Variants in PRKG1 observed in about 807,000 individuals in gnomAD.
The protein encoded by PRKG1 is cGMP-dependent protein kinase 1.
In PRKG1, 35 loss-of-function variants were observed where a neutral mutation model predicts 88.1. That is an observed-to-expected ratio of 0.40 (90% CI 0.30 to 0.53). The LOEUF (loss-of-function observed/expected upper bound fraction) is 0.53. Ranked by LOEUF, PRKG1 falls within the 20% of genes least tolerant of loss-of-function variation. PRKG1 has a pLI of 0.59. For missense variants in PRKG1, 540 were observed against 839.8 expected, an observed-to-expected ratio of 0.64 and a Z score of 4.41; for synonymous variants, 303 against 292.5, an observed-to-expected ratio of 1.04 and a Z score of -0.37.
At chr10:51,930,495 CTTTTTTTTTTTTT>C (rs3029977) in intron 5 of PRKG1, among the ~76,000 whole-genome samples, 1 of 104,472 alleles carries the variant, frequency 9.6e-6, no homozygotes, top group Non-Finnish European at 1.9e-5. Context: ...TTTTTTTCCT[CTTTTTTTTTTTTT>C]TTTTTTTTGA....
At chr10:51,437,717 C>T (rs1311476649) in intron 2 of PRKG1, among the ~76,000 whole-genome samples, 1 of 151,472 alleles carries the variant, frequency 6.6e-6, no homozygotes, top group Non-Finnish European at 1.5e-5. Context: ...CAACCCAAAG[C>T]CATATTTTAA....
intron 5 of PRKG1, among the ~76,000 whole-genome samples, chr10:52,016,603 G>A (rs1845046636): frequency 6.6e-6 from 1 of 152,158 alleles, no homozygotes; most frequent in Admixed American, 6.5e-5. Flanking sequence ...GCTTTATAAA[G>A]AAAGGTAATG....
chr10:51,655,464 A>G (rs987365954), intron 3 of PRKG1, among the ~76,000 whole-genome samples: 1 of 152,132 alleles, frequency 6.6e-6, no homozygotes, highest in Non-Finnish European at 1.5e-5. Context: ...ATCAGAATAT[A>G]GAAAGATCAG....
Position 52,267,342 on chromosome 10 carries a change from C to A in PRKG1, c.1174-4008C>A, listed in dbSNP as rs148771703. 2.4e-3 allele frequency among the ~76,000 whole-genome samples: 363 copies of A among 152,050 alleles called. 2 individuals carry two copies. Among genetic ancestry groups the A allele is most frequent in the Non-Finnish European group, 4.4e-3 (296 of 67,958 alleles). The stretch of plus-strand genomic sequence containing the variant: ...TAGGTTGTTATGCTCTGTACAATTT[C>A]TCAATATCTTTGCATTCATGGAATT... On this transcript the variant is annotated intron_variant, in intron 10 of 17. Transcript: ENST00000373980.
chr10:51,973,992 T>A (rs1394607881), intron 5 of PRKG1, among the ~76,000 whole-genome samples: 1 of 152,136 alleles, frequency 6.6e-6, no homozygotes, highest in Non-Finnish European at 1.5e-5. Context: ...ACAAATGAAG[T>A]TATTTTGGAA....
chr10:51,122,483 G>C (rs1033992823), intron 1 of PRKG1, among the ~76,000 whole-genome samples: 1 of 152,034 alleles, frequency 6.6e-6, no homozygotes, highest in African/African-American at 2.4e-5. Flanking sequence ...AACCCATCTG[G>C]GTTGCCTCTT....
Position 51,151,440 on chromosome 10 carries a change from A to G in PRKG1, c.312-1724A>G, listed in dbSNP as rs906431580. ...TAAACCTATTCAGCTGATATTTTTAAAATATCATTTTGTAGATGATAACAT... is the reference window on the plus strand; with the variant it reads ...TAAACCTATTCAGCTGATATTTTTAGAATATCATTTTGTAGATGATAACAT... On this transcript the variant is annotated intron_variant, in intron 1 of 17. Coordinates refer to ENST00000373980, the MANE Select transcript of PRKG1 (RefSeq NM_006258.4). Among the ~76,000 whole-genome samples, 6 of 152,070 alleles carry G rather than the reference A, an allele frequency of 3.9e-5. No individual in the cohort carries two copies. In the South Asian group the frequency reaches 1.0e-3, roughly 26 times the overall value.
chr10:51,942,925 TGGC>T, intron 5 of PRKG1, among the ~76,000 whole-genome samples: 1 of 151,630 alleles, frequency 6.6e-6, no homozygotes, highest in South Asian at 2.1e-4. Context: ...AGGATTGACT[TGGC>T]GATGCGGGCT....
chr10:51,942,990 C>A (rs12269372), intron 5 of PRKG1, among the ~76,000 whole-genome samples: 10,374 of 151,588 alleles, frequency 0.068, 1,203 homozygotes, highest in African/African-American at 0.23. Flanking sequence ...TTCTGTGAAG[C>A]AAGTCATTGG....
intron 2 of PRKG1, among the ~76,000 whole-genome samples, chr10:51,206,602 T>C (rs867973288): frequency 6.6e-6 from 1 of 152,052 alleles, no homozygotes; most frequent in East Asian, 1.9e-4. Context: ...AGATCACACA[T>C]TGAGCTGTAC....
chr10:51,742,057 T>C (rs1412120097), intron 3 of PRKG1, among the ~76,000 whole-genome samples: 1 of 152,242 alleles, frequency 6.6e-6, no homozygotes, highest in Non-Finnish European at 1.5e-5. Context: ...AGCATTTGTC[T>C]GTGGCATTAT....
intron 3 of PRKG1, among the ~76,000 whole-genome samples, chr10:51,518,984 G>T (rs754278937): frequency 6.6e-5 from 10 of 152,180 alleles, no homozygotes; most frequent in Non-Finnish European, 1.3e-4. Flanking sequence ...GAGCCTTTAT[G>T]TGAGTGATCA....
Position 52,176,704 on chromosome 10 carries a change from G to A in PRKG1, c.1076+14741G>A, listed in dbSNP as rs186061988. 2.2e-3 allele frequency among the ~76,000 whole-genome samples: 335 copies of A among 151,734 alleles called. 1 individual carries two copies. Among genetic ancestry groups the A allele is most frequent in the African/African-American group, 7.1e-3 (294 of 41,384 alleles). On this transcript the variant is annotated intron_variant, in intron 9 of 17. Coordinates refer to ENST00000373980, the MANE Select transcript of PRKG1 (RefSeq NM_006258.4). ...TCAGTTTTTTTCATCAGTGCTTTGG[G>A]GTTTTCGTTGTAGAGGACTTTCACC...
intron 9 of PRKG1, among the ~76,000 whole-genome samples, chr10:52,163,121 ACAATGG>A (rs55844401): frequency 0.21 from 32,259 of 151,076 alleles, 3,721 homozygotes; most frequent in East Asian, 0.49. Flanking sequence ...TTAAAGTTGT[ACAATGG>A]CCTTTCTTAT....
At chr10:51,291,306 T>C (rs1271251278) in intron 2 of PRKG1, among the ~76,000 whole-genome samples, 1 of 152,172 alleles carries the variant, frequency 6.6e-6, no homozygotes, top group Admixed American at 6.6e-5. Flanking sequence ...GAGGACAAGC[T>C]GGCTTCAGAC....
intron 3 of PRKG1, among the ~76,000 whole-genome samples, chr10:51,504,450 G>T (rs1033418406): frequency 6.6e-6 from 1 of 152,128 alleles, no homozygotes; most frequent in South Asian, 2.1e-4. Flanking sequence ...ACTTGGCAAT[G>T]CAAGCTCTTT....
intron 1 of PRKG1, chr10:51,148,188 G>A: frequency 1.1e-6 from 1 of 946,662 alleles, no homozygotes; most frequent in Non-Finnish European, 1.3e-6. Context: ...GTGTGAAAGA[G>A]CTGTGGACTG....
rs527883287 is a variant in PRKG1 at position 51,746,744 on chromosome 10, A to T, written c.593-57841A>T. Among the ~76,000 whole-genome samples, 11 of 152,014 alleles carry T rather than the reference A, an allele frequency of 7.2e-5. No homozygotes were observed. The South Asian group carries it at 2.3e-3, about 32-fold the overall frequency. On this transcript the variant is annotated intron_variant, in intron 3 of 17. Transcript: ENST00000373980. ...TCTCAAAAAAAATAAAAAGAAAAAG[A>T]AAAAAAGAAAAGAAAGAAAAAAAAA...
chr10:52,063,272 G>A (rs1194310622), intron 7 of PRKG1, among the ~76,000 whole-genome samples: 2 of 152,206 alleles, frequency 1.3e-5, no homozygotes, highest in Non-Finnish European at 2.9e-5. Flanking sequence ...CTGCCGTGAG[G>A]TGGGCAGCTC....
Sources: gnomAD v4.1 joint callset for allele counts (sites outside exome capture counted in the v4.1 genomes callset) on GRCh38, gnomAD v4.1.1 for gene constraint, MANE v1.5 for transcripts, NCBI Gene and HGNC (gene_info 2026-07-23, HGNC 2026-07-21) for gene names.